ADAMTS3: variants seen among roughly 807,000 people sequenced by gnomAD.
ADAMTS3 encodes the protein ADAM metallopeptidase with thrombospondin type 1 motif 3.
Under a neutral mutation model 129.0 loss-of-function variants are expected in ADAMTS3, and 73 were observed. The ratio of observed to expected loss-of-function variants is 0.57; its 90% CI spans 0.47 to 0.69. The LOEUF is 0.69. ADAMTS3 is among the 30% of genes least tolerant of loss of function. The pLI, the probability that ADAMTS3 is intolerant of heterozygous loss-of-function variation, is 0.00. For synonymous variants in ADAMTS3, 477 were observed against 510.8 expected (o/e 0.93, Z 0.89); for missense variants, 1,457 against 1,514.5 (o/e 0.96, Z 0.63).
intron 4 of ADAMTS3, among the ~76,000 whole-genome samples, chr4:72,351,670 A>G (rs1720441472): frequency 6.6e-6 from 1 of 151,916 alleles, no homozygotes; most frequent in Admixed American, 6.6e-5. Context: ...CTGTCTTCCA[A>G]GAGTAGCAAA....
In ADAMTS3 at chr4:72,315,935, T is replaced by C. The variant is rs1464138639; in HGVS notation, c.1522A>G (p.Ser508Gly). The C allele has an allele frequency of 6.2e-7, 1 of 1,613,460 alleles. No individual in the cohort carries two copies. The highest frequency in any genetic ancestry group is 8.5e-7 in the Non-Finnish European group (1 of 1,179,646). The change falls in exon 11 of 22, where the codon AGC becomes GGC. Residue 508 changes from serine (S) to glycine (G), a missense_variant. By Grantham distance (56) the Ser-to-Gly change is moderately conservative (BLOSUM62 0). Coordinates refer to ENST00000286657, the MANE Select transcript of ADAMTS3 (RefSeq NM_014243.3). ...CAAAAGTAGGGATTATCAGGATGGC[T>C]ACACCACAGCTGTTTACATGGGTCA... ...TFDPCKQLWC[S>G]HPDNPYFCKT...
chr4:72,286,086 C>T (rs919982833), intron 21 of ADAMTS3, among the ~76,000 whole-genome samples: 4 of 152,210 alleles, frequency 2.6e-5, no homozygotes, highest in African/African-American at 9.6e-5. Context: ...TATGAAATCA[C>T]TATGATAGTT....
At chr4:72,483,747 C>T (rs546362987) in intron 3 of ADAMTS3, among the ~76,000 whole-genome samples, 15 of 152,264 alleles carry the variant, frequency 9.9e-5, no homozygotes, top group South Asian at 2.1e-4. Flanking sequence ...GTGCCAGGCA[C>T]GGTGGCTCAC....
At chr4:72,373,172 A>G (rs1721053553) in intron 4 of ADAMTS3, among the ~76,000 whole-genome samples, 4 of 152,234 alleles carry the variant, frequency 2.6e-5, no homozygotes, top group African/African-American at 7.2e-5. Context: ...ACAGGTTTGA[A>G]CAACTTACAC....
chr4:72,363,712 C>A, intron 4 of ADAMTS3, among the ~76,000 whole-genome samples: 1 of 149,060 alleles, frequency 6.7e-6, no homozygotes, highest in African/African-American at 2.5e-5. Context: ...TTTCAATAAG[C>A]AATAGAAGGC....
At chr4:72,549,974 G>A (rs1422926063) in intron 2 of ADAMTS3, among the ~76,000 whole-genome samples, 1 of 27,938 alleles carries the variant, frequency 3.6e-5, no homozygotes, top group Non-Finnish European at 6.6e-5. Context: ...AGAAGAAGAA[G>A]AAGAAGAAGA....
At chr4:72,497,007 C>T (rs1246890536) in intron 3 of ADAMTS3, among the ~76,000 whole-genome samples, 1 of 151,942 alleles carries the variant, frequency 6.6e-6, no homozygotes. Flanking sequence ...ATATTTCTTC[C>T]AGGTGTCATT....
chr4:72,569,042 G>A lies in ADAMTS3; in HGVS notation c.-280C>T. The A allele has an allele frequency of 4.0e-6, 2 of 503,276 alleles. No individual in the cohort carries two copies. Among genetic ancestry groups the A allele is most frequent in the South Asian group, 2.7e-5 (1 of 37,672 alleles). 31.2% of individuals were successfully genotyped at this position (503,276 alleles called of 1,614,324 possible). A position where few individuals can be genotyped will look rare whatever the true frequency, so the allele number is the denominator to read the frequency against. On this transcript the variant is annotated 5_prime_UTR_variant, in exon 1 of 22. Transcript: ENST00000286657. ...GGTGCTGTAAGCGGGCACAGGCTAA[G>A]CCTGGGAGAGGGGGAAGGGACGAGG... is the stretch of plus-strand genomic sequence containing the variant.
At chr4:72,330,032 T>C (rs920955749) in intron 5 of ADAMTS3, among the ~76,000 whole-genome samples, 4 of 152,142 alleles carry the variant, frequency 2.6e-5, no homozygotes. Context: ...TGTTTGTTTG[T>C]TTTGAGATGG....
chr4:72,342,224 T>G (rs754042000), intron 4 of ADAMTS3, among the ~76,000 whole-genome samples: 11 of 152,162 alleles, frequency 7.2e-5, no homozygotes, highest in African/African-American at 2.7e-4. Context: ...ACAACTAAAC[T>G]GCCTTTGTAA....
chr4:72,455,870 C>G (rs111877766), intron 3 of ADAMTS3, among the ~76,000 whole-genome samples: 34 of 93,870 alleles, frequency 3.6e-4, no homozygotes, highest in South Asian at 8.2e-4. Context: ...AGTATATACA[C>G]TGTATATACT....
chr4:72,316,105 T>C (rs946966392), intron 10 of ADAMTS3, 134 bp from the exon 11 acceptor site: 1 of 442,194 alleles, frequency 2.3e-6, no homozygotes, highest in Non-Finnish European at 4.0e-6. Context: ...TGTTTTGACA[T>C]GTTGAAAAAA....
chr4:72,282,994 C>G lies in ADAMTS3; in HGVS notation c.*142G>C, dbSNP rs535913087. On this transcript the variant is annotated 3_prime_UTR_variant, in exon 22 of 22. Coordinates refer to ENST00000286657, the MANE Select transcript of ADAMTS3 (RefSeq NM_014243.3). ...AGGATGAAAGCAACTAGAAAGTGAG[C>G]CAGCACTTTCTGTTCTTCCAATTAC... The G allele has an allele frequency of 3.0e-6, 2 of 676,796 alleles. 1 individual carries two copies. The highest frequency in any genetic ancestry group is 4.5e-5 in the South Asian group (2 of 44,690). 41.9% of individuals were successfully genotyped at this position (676,796 alleles called of 1,614,324 possible).
intron 5 of ADAMTS3, among the ~76,000 whole-genome samples, chr4:72,337,019 G>A (rs1720009440): frequency 6.6e-6 from 1 of 152,042 alleles, no homozygotes; most frequent in East Asian, 1.9e-4. Context: ...TGCAATTCAG[G>A]TCTCATCAAT....
At chr4:72,524,229 T>C (rs545385398) in intron 3 of ADAMTS3, among the ~76,000 whole-genome samples, 3 of 152,164 alleles carry the variant, frequency 2.0e-5, no homozygotes, top group Non-Finnish European at 2.9e-5. Flanking sequence ...AGAAGAATTA[T>C]GGGAAGGGAG....
intron 4 of ADAMTS3, among the ~76,000 whole-genome samples, chr4:72,376,318 C>A (rs79782515): frequency 1.3e-5 from 2 of 152,056 alleles, no homozygotes; most frequent in Non-Finnish European, 2.9e-5. Flanking sequence ...TGTCTTCATA[C>A]GGCGGAAAGG....
chr4:72,469,997 C>G (rs1719021580), intron 3 of ADAMTS3, among the ~76,000 whole-genome samples: 1 of 152,110 alleles, frequency 6.6e-6, no homozygotes, highest in Non-Finnish European at 1.5e-5. Context: ...TACATACAGA[C>G]ATTTCACTGC....
intron 4 of ADAMTS3, among the ~76,000 whole-genome samples, chr4:72,371,393 A>G (rs1721001170): frequency 6.6e-6 from 1 of 151,540 alleles, no homozygotes; most frequent in Admixed American, 6.6e-5. Flanking sequence ...AAAATGCAAA[A>G]GATAAAAAAT....
intron 3 of ADAMTS3, among the ~76,000 whole-genome samples, chr4:72,415,360 C>A (rs1041046721): frequency 6.6e-6 from 1 of 151,694 alleles, no homozygotes; most frequent in Non-Finnish European, 1.5e-5. Context: ...CCAAAATAAC[C>A]CATTGTGGAG....
Sources: gnomAD v4.1 joint callset for allele counts (sites outside exome capture counted in the v4.1 genomes callset) on GRCh38, gnomAD v4.1.1 for gene constraint, MANE v1.5 for transcripts, NCBI Gene and HGNC (gene_info 2026-07-23, HGNC 2026-07-21) for gene names.